The following IGF2BP3 variants were observed in gnomAD, a reference collection of about 807,000 sequenced individuals.
The protein encoded by IGF2BP3 is insulin like growth factor 2 mRNA binding protein 3, also known as insulin-like growth factor 2 mRNA-binding protein 3.
IGF2BP3 carries 9 observed loss-of-function variants against 73.8 expected under a neutral mutation model. That is an observed-to-expected ratio of 0.12 (90% CI 0.07 to 0.21). The LOEUF (loss-of-function observed/expected upper bound fraction) is 0.21, where lower values mean the gene tolerates loss of function less well. IGF2BP3 is among the 10% of genes least tolerant of loss of function. The probability of loss-of-function intolerance (pLI) is 1.00; values close to 1 mark genes in which losing one functional copy is unlikely to be tolerated. For synonymous variants in IGF2BP3, 258 were observed against 256.7 expected (o/e 1.01, Z -0.05); for missense variants, 542 against 714.0 (o/e 0.76, Z 2.75).
At chr7:23,315,741 C>A (rs1783972151) in intron 12 of IGF2BP3, among the ~76,000 whole-genome samples, 1 of 152,164 alleles carries the variant, frequency 6.6e-6, no homozygotes, top group South Asian at 2.1e-4. Flanking sequence ...TATACACTAT[C>A]CTCCAAAACT....
chr7:23,373,595 A>G (rs1243369409), intron 3 of IGF2BP3, among the ~76,000 whole-genome samples: 1 of 152,222 alleles, frequency 6.6e-6, no homozygotes, highest in East Asian at 1.9e-4. Flanking sequence ...ACCCTCATAC[A>G]TTGCTGGATA....
intron 3 of IGF2BP3, among the ~76,000 whole-genome samples, chr7:23,383,281 A>G (rs1169057659): frequency 1.3e-5 from 2 of 152,352 alleles, no homozygotes; most frequent in Admixed American, 1.3e-4. Context: ...TTTACAACTC[A>G]GTAATAAAGA....
Position 23,469,236 on chromosome 7 carries a change from C to T in IGF2BP3, c.176-694G>A, listed in dbSNP as rs1007941702. ...GTCCCTCGCCCTGGCGGAGCCATAC[C>T]CGGAGGCCGCAGCCCCGCGCCAGGG... On this transcript the variant is annotated intron_variant, in intron 1 of 14. Transcript: ENST00000258729. The surrounding 1 kb of genome is among the most constrained non-coding windows in gnomAD (Gnocchi z 6.1). The T allele has an allele frequency of 1.3e-5, 2 of 152,372 alleles. No homozygotes were observed. The highest frequency in any genetic ancestry group is 4.8e-5 in the African/African-American group (2 of 41,470). The allele number at this position is 152,372 out of a possible 1,614,324, so 9.4% of individuals were successfully genotyped here. A position where few individuals can be genotyped will look rare whatever the true frequency, so the allele number is the denominator to read the frequency against.
At chr7:23,341,944 A>G in intron 10 of IGF2BP3, 120 bp downstream of exon 10, 6 of 1,120,560 alleles carry the variant, frequency 5.4e-6, no homozygotes, top group Non-Finnish European at 7.2e-6. Context: ...CCAAATAAGA[A>G]GGCTCCATTA....
chr7:23,371,434 T>C (rs899856013), intron 3 of IGF2BP3, among the ~76,000 whole-genome samples: 4 of 152,190 alleles, frequency 2.6e-5, no homozygotes, highest in South Asian at 4.1e-4. Context: ...ATGGCTATAT[T>C]ACAAAATGAA....
chr7:23,347,974 C>G (rs1784874158), intron 6 of IGF2BP3, among the ~76,000 whole-genome samples: 1 of 152,198 alleles, frequency 6.6e-6, no homozygotes, highest in African/African-American at 2.4e-5. Flanking sequence ...TCTTTTCATT[C>G]TACCCAAGCT....
chr7:23,420,119 A>C (rs1254289368), intron 2 of IGF2BP3, among the ~76,000 whole-genome samples: 1 of 152,242 alleles, frequency 6.6e-6, no homozygotes, highest in Non-Finnish European at 1.5e-5. Context: ...CTAGCTATTA[A>C]AAACAAAACA....
At chr7:23,368,335 G>A (rs371569067) in intron 3 of IGF2BP3, among the ~76,000 whole-genome samples, 57 of 113,358 alleles carry the variant, frequency 5.0e-4, no homozygotes, top group African/African-American at 1.8e-3. Flanking sequence ...AGAAAAGAAA[G>A]AAAGAAAAAA....
intron 2 of IGF2BP3, among the ~76,000 whole-genome samples, chr7:23,449,548 CTTTT>C (rs1407390698): frequency 1.8e-4 from 21 of 116,366 alleles, no homozygotes; most frequent in Admixed American, 7.9e-4. Flanking sequence ...TTTCCTTTTT[CTTTT>C]TCTTTTTTTT....
chr7:23,360,221 T>A (rs762839220), intron 5 of IGF2BP3, among the ~76,000 whole-genome samples: 1 of 152,196 alleles, frequency 6.6e-6, no homozygotes, highest in Non-Finnish European at 1.5e-5. Context: ...TGTGGATACA[T>A]GCTTACATAC....
chr7:23,390,007 T>C (rs528171406), intron 3 of IGF2BP3, among the ~76,000 whole-genome samples: 10 of 152,080 alleles, frequency 6.6e-5, no homozygotes, highest in South Asian at 4.2e-4. Flanking sequence ...CCTTTGACTA[T>C]TGGTCAAAGA....
chr7:23,351,254 G>T, intron 6 of IGF2BP3, 51 bp downstream of exon 6: 1 of 1,598,090 alleles, frequency 6.3e-7, no homozygotes, highest in South Asian at 1.1e-5. Flanking sequence ...CTGTTACTAA[G>T]ATTCCAAGGG....
chr7:23,396,973 A>G (rs1266302490), intron 3 of IGF2BP3, among the ~76,000 whole-genome samples: 1 of 152,170 alleles, frequency 6.6e-6, no homozygotes, highest in Admixed American at 6.6e-5. Flanking sequence ...GGGACTCTGT[A>G]TGGTTGTCAC....
chr7:23,398,802 G>A (rs996297274), intron 3 of IGF2BP3, among the ~76,000 whole-genome samples: 1 of 152,142 alleles, frequency 6.6e-6, no homozygotes, highest in African/African-American at 2.4e-5. Context: ...GTAGATTCTG[G>A]ATATTAGCCC....
At chr7:23,386,420 G>A (rs922554758) in intron 3 of IGF2BP3, among the ~76,000 whole-genome samples, 8 of 152,012 alleles carry the variant, frequency 5.3e-5, no homozygotes, top group Non-Finnish European at 8.8e-5. Context: ...AAAACCAATC[G>A]CAACCAACCA....
chr7:23,394,409 GTGAGCTA>G (rs1786383467), intron 3 of IGF2BP3, among the ~76,000 whole-genome samples: 1 of 152,180 alleles, frequency 6.6e-6, no homozygotes, highest in African/African-American at 2.4e-5. Context: ...CGAGGCTGCA[GTGAGCTA>G]TGATCATGCC....
chr7:23,355,214 TTTTTATTTTTA>T (rs778597386), intron 5 of IGF2BP3, among the ~76,000 whole-genome samples: 17 of 145,810 alleles, frequency 1.2e-4, no homozygotes, highest in South Asian at 4.4e-4. Context: ...TGGTTTTGTC[TTTTTATTTTTA>T]TTTTTTTTTT....
At chr7:23,447,910 G>C (rs1788104335) in intron 2 of IGF2BP3, among the ~76,000 whole-genome samples, 1 of 152,144 alleles carries the variant, frequency 6.6e-6, no homozygotes, top group South Asian at 2.1e-4. Context: ...GAGTCCAGGA[G>C]TTCGAGTTGC....
intron 3 of IGF2BP3, among the ~76,000 whole-genome samples, chr7:23,395,798 T>C (rs1233012371): frequency 6.6e-6 from 1 of 151,690 alleles, no homozygotes; most frequent in Admixed American, 6.6e-5. Context: ...TGGTGACAGG[T>C]GCCTGTAATC....
Sources: allele counts gnomAD v4.1 joint callset (sites outside exome capture counted in the v4.1 genomes callset), GRCh38; gene constraint gnomAD v4.1.1; non-coding constraint Gnocchi (gnomAD v3.1); transcripts MANE v1.5; gene names NCBI Gene and HGNC (gene_info 2026-07-23, HGNC 2026-07-21).